RBFOX3: variants seen among roughly 807,000 people sequenced by gnomAD.
RBFOX3 encodes RNA binding fox-1 homolog 3.
In RBFOX3, 17 loss-of-function variants were observed where a neutral mutation model predicts 48.7. The ratio of observed to expected loss-of-function variants is 0.35; its 90% CI spans 0.24 to 0.52. The LOEUF is 0.52. Among genes scored for constraint, RBFOX3 ranks in the 20% least tolerant of loss-of-function variants. The pLI is 0.94. For synonymous variants in RBFOX3, 212 were observed against 209.5 expected (o/e 1.01, Z -0.10); for missense variants, 382 against 497.5 (o/e 0.77, Z 2.21).
At chr17:79,219,359 G>A (rs1053573705) in intron 4 of RBFOX3, among the ~76,000 whole-genome samples, 2 of 152,226 alleles carry the variant, frequency 1.3e-5, no homozygotes, top group South Asian at 2.1e-4. Context: ...CTGATGATCC[G>A]GGGATATGCA....
At chr17:79,356,355 T>G (rs1430117014) in intron 2 of RBFOX3, among the ~76,000 whole-genome samples, 6 of 51,034 alleles carry the variant, frequency 1.2e-4, no homozygotes, top group East Asian at 7.6e-4. Context: ...GAAGTTTTTT[T>G]TTTTTTTTTT....
intron 1 of RBFOX3, among the ~76,000 whole-genome samples, chr17:79,520,733 G>A (rs1209611361): frequency 1.3e-5 from 2 of 152,320 alleles, no homozygotes; most frequent in African/African-American, 2.4e-5. Context: ...GGTGGGGTTC[G>A]TGTTGGACTC....
chr17:79,141,871 G>C (rs1326650101), intron 4 of RBFOX3, among the ~76,000 whole-genome samples: 1 of 152,150 alleles, frequency 6.6e-6, no homozygotes, highest in African/African-American at 2.4e-5. Flanking sequence ...CTGCTGCCTG[G>C]GCACCCCAAG....
At chr17:79,293,304 GCTTC>G (rs1346897089) in intron 3 of RBFOX3, among the ~76,000 whole-genome samples, 6 of 151,876 alleles carry the variant, frequency 4.0e-5, no homozygotes, top group Non-Finnish European at 8.8e-5. Context: ...ACCGATCTTT[GCTTC>G]CTTCCTTCCT....
rs576538437 is a variant in RBFOX3 at position 79,417,773 on chromosome 17, G to A, written c.-175+64681C>T. ...CAACTCCAACTGAGAAGTGCACTTC[G>A]TGTTCACGGCAGCATCACTCTCAAT... On this transcript the variant is annotated intron_variant, in intron 2 of 14. Coordinates refer to ENST00000693108, the MANE Select transcript of RBFOX3 (RefSeq NM_001350451.2). Among the ~76,000 whole-genome samples, 5 of 152,380 alleles carry A rather than the reference G, an allele frequency of 3.3e-5. No individual in the cohort carries two copies. In the East Asian group the frequency reaches 5.8e-4, roughly 18 times the overall value.
chr17:79,369,227 C>T (rs538903954), intron 2 of RBFOX3, among the ~76,000 whole-genome samples: 1 of 152,292 alleles, frequency 6.6e-6, no homozygotes, highest in Non-Finnish European at 1.5e-5. Context: ...TGACCTGTGG[C>T]ACCGGGTGCC....
chr17:79,357,887 T>C (rs966086095), intron 2 of RBFOX3, among the ~76,000 whole-genome samples: 2 of 147,242 alleles, frequency 1.4e-5, no homozygotes, highest in African/African-American at 4.9e-5. Flanking sequence ...AAATTGAAGT[T>C]TTTTTTTTAC....
intron 8 of RBFOX3, among the ~76,000 whole-genome samples, chr17:79,101,972 C>T (rs1458481481): frequency 1.3e-5 from 2 of 152,334 alleles, no homozygotes; most frequent in Non-Finnish European, 2.9e-5. Context: ...GCTCTCTGAC[C>T]AGAACCAGCT....
intron 1 of RBFOX3, among the ~76,000 whole-genome samples, chr17:79,557,413 C>G (rs1048971825): frequency 1.6e-4 from 24 of 151,598 alleles, no homozygotes; most frequent in Admixed American, 1.4e-3. Flanking sequence ...CTCCAAACCC[C>G]GAGAAAACCC....
chr17:79,552,329 G>T (rs1407949466), intron 1 of RBFOX3, among the ~76,000 whole-genome samples: 2 of 152,158 alleles, frequency 1.3e-5, no homozygotes, highest in Non-Finnish European at 2.9e-5. Context: ...CACATGAAAA[G>T]TTAAACAATA....
intron 2 of RBFOX3, among the ~76,000 whole-genome samples, chr17:79,470,924 C>T (rs894222644): frequency 1.3e-5 from 2 of 152,104 alleles, no homozygotes; most frequent in African/African-American, 2.4e-5. Context: ...TGCTGTGTGC[C>T]TCTCTGTCAT....
chr17:79,181,774 C>T (rs1341424668), intron 4 of RBFOX3, among the ~76,000 whole-genome samples: 3 of 152,196 alleles, frequency 2.0e-5, no homozygotes, highest in Non-Finnish European at 2.9e-5. Flanking sequence ...GCCCTTGTAA[C>T]GGGCTGACCC....
chr17:79,290,584 A>G (rs961155174), intron 3 of RBFOX3, among the ~76,000 whole-genome samples: 5 of 152,160 alleles, frequency 3.3e-5, no homozygotes, highest in African/African-American at 4.8e-5. Context: ...TCTGAGAGCT[A>G]GCAGTTAGCA....
chr17:79,620,570 CGT>C, the RBFOX3 span, among the ~76,000 whole-genome samples: 2 of 109,950 alleles, frequency 1.8e-5, no homozygotes, highest in Non-Finnish European at 4.2e-5. Context: ...CACACCCGCG[CGT>C]GCACACACGC....
chr17:79,575,176 G>T (rs2092816969), intron 1 of RBFOX3, among the ~76,000 whole-genome samples: 1 of 152,238 alleles, frequency 6.6e-6, no homozygotes, highest in Non-Finnish European at 1.5e-5. Context: ...AAGAGGAAAG[G>T]CGCTGGTTCA....
At chr17:79,269,832 C>G (rs1210696550) in intron 3 of RBFOX3, among the ~76,000 whole-genome samples, 2 of 152,132 alleles carry the variant, frequency 1.3e-5, no homozygotes, top group Non-Finnish European at 2.9e-5. Context: ...AGCCTTCCAG[C>G]AAGGTGAGCC....
At chr17:79,464,042 A>T (rs1346357229) in intron 2 of RBFOX3, among the ~76,000 whole-genome samples, 1 of 152,178 alleles carries the variant, frequency 6.6e-6, no homozygotes, top group Non-Finnish European at 1.5e-5. Flanking sequence ...TGCAAAAACA[A>T]ACTCCTCCTG....
chr17:79,647,367 G>A, the RBFOX3 span, among the ~76,000 whole-genome samples: 72,009 of 151,966 alleles, frequency 0.47, 20,633 homozygotes, highest in Non-Finnish European at 0.63. Flanking sequence ...CTGCCTCAAC[G>A]CAGTGCGAGG....
chr17:79,325,645 C>A (rs879838825), intron 2 of RBFOX3, among the ~76,000 whole-genome samples: 9 of 152,134 alleles, frequency 5.9e-5, no homozygotes, highest in Non-Finnish European at 1.2e-4. Flanking sequence ...AATAATCAAT[C>A]AATAAAAAAC....
Sources: allele counts gnomAD v4.1 joint callset (sites outside exome capture counted in the v4.1 genomes callset), GRCh38; gene constraint gnomAD v4.1.1; transcripts MANE v1.5; gene names NCBI Gene and HGNC (gene_info 2026-07-23, HGNC 2026-07-21).